Variants in DAB1 observed in about 807,000 individuals in gnomAD.
DAB1 encodes DAB adaptor protein 1.
Under a neutral mutation model 64.6 loss-of-function variants are expected in DAB1, and 15 were observed. That is an observed-to-expected ratio of 0.23 (90% CI 0.16 to 0.36). DAB1 has a LOEUF of 0.36. Ranked by LOEUF, DAB1 falls within the 10% of genes least tolerant of loss-of-function variation. The pLI is 1.00. For missense variants in DAB1, 596 were observed against 706.7 expected (o/e 0.84, Z 1.78); for synonymous variants, 235 against 251.9 (o/e 0.93, Z 0.64).
In DAB1 at chr1:58,304,786, C is replaced by A. The variant is rs921311081; in HGVS notation, n.309+38566G>T. Among the ~76,000 whole-genome samples the A allele has an allele frequency of 5.9e-5, 9 of 152,152 alleles. No individual in the cohort carries two copies. The Middle Eastern group carries it at 0.01, about 173-fold the overall frequency. ...TGGAATCCCTTGTTTCTCACTGTTC[C>A]CTGGGGGATTCTGACGCAGCAGGAC... On this transcript the variant is annotated intron_variant and non_coding_transcript_variant, in intron 4 of 20. Coordinates refer to the DAB1 transcript ENST00000485760.
intron 7 of DAB1, among the ~76,000 whole-genome samples, chr1:57,609,343 G>A (rs559618826): frequency 3.9e-5 from 6 of 152,258 alleles, no homozygotes; most frequent in East Asian, 3.9e-4. Flanking sequence ...TTCGTGTAGC[G>A]TTGACATTGT....
rs1659555909 is a variant in DAB1 at position 58,227,559 on chromosome 1, T to A, written n.310-76971A>T. ...GCCCCACACCCACAGCACTCTGAGG[T>A]TTCTTTGTTCTCCTCTAGCATGTAG... On this transcript the variant is annotated intron_variant and non_coding_transcript_variant, in intron 4 of 20. Transcript: ENST00000485760. Among the ~76,000 whole-genome samples the A allele has an allele frequency of 2.0e-5, 3 of 152,168 alleles. No individual in the cohort carries two copies. In the South Asian group the frequency reaches 6.2e-4, roughly 32 times the overall value.
chr1:58,190,963 C>T (rs1241537228), intron 4 of DAB1, among the ~76,000 whole-genome samples: 2 of 152,184 alleles, frequency 1.3e-5, no homozygotes, highest in African/African-American at 4.8e-5. Context: ...CACCCAGGCC[C>T]CAATGGGCTC....
intron 4 of DAB1, among the ~76,000 whole-genome samples, chr1:58,188,036 G>A (rs1488929749): frequency 6.6e-6 from 1 of 151,856 alleles, no homozygotes; most frequent in East Asian, 1.9e-4. Context: ...AGCCTCCTTA[G>A]TAGCTGGGAT....
At chr1:57,287,607 A>G (rs1211754123) in intron 2 of DAB1, among the ~76,000 whole-genome samples, 3 of 152,156 alleles carry the variant, frequency 2.0e-5, no homozygotes, top group Admixed American at 1.3e-4. Flanking sequence ...AAAAGAGCAT[A>G]ACGACATGGT....
At chr1:58,506,179 A>G (rs760956878) in exon 3 of DAB1, 1 of 872,116 alleles carries the variant, frequency 1.1e-6, no homozygotes, top group Non-Finnish European at 2.0e-6. Flanking sequence ...TGCTGCCAAA[A>G]CACTGAACTG....
intron 9 of DAB1, among the ~76,000 whole-genome samples, chr1:57,058,912 A>G (rs1650106884): frequency 6.6e-6 from 1 of 152,216 alleles, no homozygotes; most frequent in Non-Finnish European, 1.5e-5. Context: ...TTTTTGAGGA[A>G]CTCAAAGTCC....
chr1:58,194,488 G>C (rs1330253685), intron 4 of DAB1, among the ~76,000 whole-genome samples: 1 of 152,182 alleles, frequency 6.6e-6, no homozygotes, highest in Non-Finnish European at 1.5e-5. Context: ...ACATTCTTCA[G>C]CCTGTGGGTA....
At chr1:58,539,254 TGGTTTC>T in intron 1 of DAB1, 1 of 869,334 alleles carries the variant, frequency 1.2e-6, no homozygotes, top group Non-Finnish European at 2.0e-6. Flanking sequence ...GAAGAAAACA[TGGTTTC>T]TAGCAGCAGA....
chr1:57,291,077 A>G lies in DAB1; in HGVS notation c.-47T>C. ...TTCACACAGATCCCGGGCCTCGGCC[A>G]GGCTCATTGAGGACTCTTCTCCAAG... On this transcript the variant is annotated 5_prime_UTR_variant, in exon 2 of 15. Transcript: ENST00000371236. The G allele has an allele frequency of 7.5e-7, 1 of 1,324,760 alleles. No individual in the cohort carries two copies. The highest frequency in any genetic ancestry group is 1.1e-6 in the Non-Finnish European group (1 of 937,740). 82.1% of individuals were successfully genotyped at this position (1,324,760 alleles called of 1,614,324 possible).
intron 5 of DAB1, among the ~76,000 whole-genome samples, chr1:58,047,654 T>C (rs923102544): frequency 2.0e-5 from 3 of 152,208 alleles, no homozygotes. Context: ...TCACATTGAA[T>C]TACAGCAGAG....
At chr1:57,674,195 T>C (rs536268411) in intron 6 of DAB1, among the ~76,000 whole-genome samples, 18 of 152,320 alleles carry the variant, frequency 1.2e-4, no homozygotes, top group African/African-American at 4.1e-4. Flanking sequence ...CAAGTATTCA[T>C]GAGCATTTTA....
chr1:58,210,155 A>G (rs1018099508), intron 4 of DAB1, among the ~76,000 whole-genome samples: 1 of 152,140 alleles, frequency 6.6e-6, no homozygotes, highest in Non-Finnish European at 1.5e-5. Context: ...AAATATAAAT[A>G]CCCTCAAGAC....
chr1:57,995,743 TG>T (rs898376309), intron 5 of DAB1, among the ~76,000 whole-genome samples: 3 of 152,124 alleles, frequency 2.0e-5, no homozygotes, highest in Admixed American at 2.0e-4. Context: ...AGGGTAACCT[TG>T]AAAACTTTGA....
At chr1:57,489,173 G>T (rs577672765) in intron 7 of DAB1, among the ~76,000 whole-genome samples, 1 of 152,242 alleles carries the variant, frequency 6.6e-6, no homozygotes, top group Non-Finnish European at 1.5e-5. Context: ...TATTTCTAGG[G>T]CATTATTGGG....
At chr1:57,726,751 C>T (rs1414322114) in intron 6 of DAB1, among the ~76,000 whole-genome samples, 4 of 152,148 alleles carry the variant, frequency 2.6e-5, no homozygotes, top group African/African-American at 4.8e-5. Context: ...AAGTAACTTG[C>T]TGAGAATCAT....
At position 56,995,621 on chromosome 1, in the gene DAB1, A is replaced by C. The variant is rs1645588043; in HGVS notation, c.*2523T>G. ...TACCTGAAACAGCAACATCAGCCAG[A>C]GTTCACTTTGAATGTGTCAGAAGCA... is the stretch of plus-strand genomic sequence containing the variant. On this transcript the variant is annotated 3_prime_UTR_variant, in exon 15 of 15. Transcript: ENST00000371236. 1 of 152,234 alleles carries C rather than the reference A, an allele frequency of 6.6e-6. No individual in the cohort carries two copies. The allele number at this position is 152,234 out of a possible 1,614,324, so 9.4% of individuals were successfully genotyped here.
intron 6 of DAB1, among the ~76,000 whole-genome samples, chr1:57,657,802 A>G (rs1646336278): frequency 6.6e-6 from 1 of 152,230 alleles, no homozygotes; most frequent in Admixed American, 6.5e-5. Flanking sequence ...CTCCTTTGCT[A>G]TGTTGAATCA....
At chr1:58,335,223 C>A (rs77919581) in intron 4 of DAB1, among the ~76,000 whole-genome samples, 4,326 of 152,180 alleles carry the variant, frequency 0.028, 90 homozygotes, top group East Asian at 0.094. Flanking sequence ...AAGTCCAAGG[C>A]CTTGAGGCAG....
Sources: gnomAD v4.1 joint callset for allele counts (sites outside exome capture counted in the v4.1 genomes callset) on GRCh38, gnomAD v4.1.1 for gene constraint, MANE v1.5 for transcripts, NCBI Gene and HGNC (gene_info 2026-07-23, HGNC 2026-07-21) for gene names.